SLAIN2: variants seen among roughly 807,000 people sequenced by gnomAD.
SLAIN2 encodes the protein SLAIN motif-containing protein 2.
SLAIN2 carries 31 observed loss-of-function variants against 56.6 expected under a neutral mutation model. That is an observed-to-expected ratio of 0.55 (90% CI 0.41 to 0.74). The LOEUF (loss-of-function observed/expected upper bound fraction) is 0.74. Ranked by LOEUF, SLAIN2 falls within the 30% of genes least tolerant of loss-of-function variation. The pLI, the probability that SLAIN2 is intolerant of heterozygous loss-of-function variation, is 0.00. For synonymous variants in SLAIN2, 317 were observed against 284.9 expected (o/e 1.11, Z -1.13); for missense variants, 777 against 754.2 (o/e 1.03, Z -0.35).
rs1374594115 is a variant in SLAIN2 at position 48,423,051 on chromosome 4, A to AG, written c.*979dup. On this transcript the variant is annotated 3_prime_UTR_variant, in exon 8 of 8. Coordinates refer to ENST00000264313, the MANE Select transcript of SLAIN2 (RefSeq NM_020846.2). ...GGAACAAAACCATACCATGAGAGAG[A>AG]GGGGGAAAAAAATCTATGCACTTAA... 1 of 152,122 alleles carries AG rather than the reference A, an allele frequency of 6.6e-6. No homozygotes were observed. The highest frequency in any genetic ancestry group is 2.4e-5 in the African/African-American group (1 of 41,414). 9.4% of individuals were successfully genotyped at this position (152,122 alleles called of 1,614,324 possible). A position where few individuals can be genotyped will look rare whatever the true frequency, so the allele number is the denominator to read the frequency against.
At chr4:48,391,026 T>C (rs1716224956) in intron 6 of SLAIN2, among the ~76,000 whole-genome samples, 1 of 152,230 alleles carries the variant, frequency 6.6e-6, no homozygotes, top group Non-Finnish European at 1.5e-5. Flanking sequence ...TTTTGAAGGA[T>C]CAAGTCTAAT....
intron 6 of SLAIN2, among the ~76,000 whole-genome samples, chr4:48,414,550 ATTTTTTT>A (rs36222817): frequency 0.55 from 74,684 of 136,866 alleles, 19,934 homozygotes; most frequent in South Asian, 0.7. Context: ...TTGGTGTGGT[ATTTTTTT>A]TTTTTTTTTT....
rs530811460 is a variant in SLAIN2 at position 48,342,671 on chromosome 4, A to G, written c.389+543A>G. Among the ~76,000 whole-genome samples the G allele has an allele frequency of 2.1e-5, 3 of 143,004 alleles. 1 individual carries two copies. The South Asian group carries it at 6.9e-4, about 33-fold the overall frequency. 93.8% of individuals were successfully genotyped at this position (143,004 alleles called of 152,430 possible). A position where few individuals can be genotyped will look rare whatever the true frequency, so the allele number is the denominator to read the frequency against. Reference sequence around the variant, plus strand: ...GCACTCCCCTTTGGGTAGTGGGGTAAACCTTGCTTTGTGTGAAGAGAGGGC... The same window carrying G: ...GCACTCCCCTTTGGGTAGTGGGGTAGACCTTGCTTTGTGTGAAGAGAGGGC... On this transcript the variant is annotated intron_variant, in intron 1 of 7. Transcript: ENST00000264313.
chr4:48,380,815 T>G (rs534501046), intron 4 of SLAIN2, among the ~76,000 whole-genome samples: 1 of 152,154 alleles, frequency 6.6e-6, no homozygotes. Flanking sequence ...GTTCAAAAAC[T>G]TTCTGTTGTC....
At chr4:48,358,077 A>C (rs1461249870) in intron 1 of SLAIN2, among the ~76,000 whole-genome samples, 1 of 152,212 alleles carries the variant, frequency 6.6e-6, no homozygotes, top group Non-Finnish European at 1.5e-5. Context: ...AATATTTAAG[A>C]GTACTGCTTC....
At chr4:48,376,718 T>C (rs1426177541) in intron 2 of SLAIN2, among the ~76,000 whole-genome samples, 1 of 144,564 alleles carries the variant, frequency 6.9e-6, no homozygotes, top group Admixed American at 7.1e-5. Flanking sequence ...GCCTCCCGGG[T>C]TCACGCCATT....
intron 1 of SLAIN2, among the ~76,000 whole-genome samples, chr4:48,369,356 G>A (rs564284075): frequency 6.6e-6 from 1 of 152,264 alleles, no homozygotes; most frequent in South Asian, 2.1e-4. Context: ...TAGGGTTAAA[G>A]TATTGCTTTT....
At chr4:48,411,681 C>CA (rs1716852052) in intron 6 of SLAIN2, among the ~76,000 whole-genome samples, 2 of 151,966 alleles carry the variant, frequency 1.3e-5, no homozygotes, top group Admixed American at 6.6e-5. Flanking sequence ...CATAGCCACT[C>CA]ATGTTCTTCT....
chr4:48,419,067 G>A (rs1717076229), intron 6 of SLAIN2, among the ~76,000 whole-genome samples: 1 of 151,376 alleles, frequency 6.6e-6, no homozygotes, highest in Non-Finnish European at 1.5e-5. Context: ...TTACAAAGTT[G>A]TAGTCAAGTC....
intron 2 of SLAIN2, among the ~76,000 whole-genome samples, chr4:48,371,988 A>G (rs60873798): frequency 0.47 from 64,921 of 137,844 alleles, 14,861 homozygotes; most frequent in African/African-American, 0.62. Flanking sequence ...ACACACACAC[A>G]CGCGCGCACA....
Position 48,417,735 on chromosome 4 carries a change from G to A in SLAIN2, c.1361-2390G>A, listed in dbSNP as rs370829142. Among the ~76,000 whole-genome samples, 216 of 143,410 alleles carry A rather than the reference G, an allele frequency of 1.5e-3. 2 individuals are homozygous for A. The highest frequency in any genetic ancestry group is 5.0e-3 in the African/African-American group (193 of 38,494). 94.1% of individuals were successfully genotyped at this position (143,410 alleles called of 152,430 possible). On this transcript the variant is annotated intron_variant, in intron 6 of 7. Coordinates refer to ENST00000264313, the MANE Select transcript of SLAIN2 (RefSeq NM_020846.2). ...AAATGTAATCCAGCATATAAACAGAGCCAAAGACAAAAACCACATGATTAT... is the reference window on the plus strand; with the variant it reads ...AAATGTAATCCAGCATATAAACAGAACCAAAGACAAAAACCACATGATTAT...
chr4:48,387,493 A>G (rs1716130100), intron 6 of SLAIN2: 1 of 151,864 alleles, frequency 6.6e-6, no homozygotes, highest in African/African-American at 2.4e-5. Flanking sequence ...ATAATGGTGT[A>G]TTTCAGTACT....
chr4:48,420,440 G>A lies in SLAIN2; in HGVS notation c.1676G>A (p.Arg559His), dbSNP rs746329675. 12 of 1,613,136 alleles carry A rather than the reference G, an allele frequency of 7.4e-6. No homozygotes were observed. The highest frequency in any genetic ancestry group is 6.7e-5 in the East Asian group (3 of 44,880). Residue 559 changes from arginine (R) to histidine (H), a missense_variant, in exon 7 of 8, where the codon CGC becomes CAC. Coordinates refer to ENST00000264313, the MANE Select transcript of SLAIN2 (RefSeq NM_020846.2). ...CGCAGCAAACTTGCACAGCCTGTTC[G>A]CAGGTAAGTGGCAGATGTTCTGTTT... The part of the protein sequence containing the change: ...VPRSKLAQPV[R>H]RSLPAPKTYG...
At chr4:48,357,192 A>G (rs1217754396) in intron 1 of SLAIN2, among the ~76,000 whole-genome samples, 1 of 151,844 alleles carries the variant, frequency 6.6e-6, no homozygotes, top group South Asian at 2.1e-4. Context: ...ATAAAATAGC[A>G]CTATGAACAA....
In SLAIN2 at chr4:48,379,703, C is replaced by T. The variant is rs1292569161; in HGVS notation, c.717C>T (p.Ser239=). ...ILPGNSGNLK[S]SDRNPPLSPQ... is the part of the protein sequence containing the mutation. ...TTTTTTTTTAAGGTAACTTGAAAAG[C>T]TCAGACAGAAATCCTCCACTCAGTC... Residue 239 remains serine (S), a synonymous_variant, in exon 4 of 8, where the codon AGC becomes AGT. Coordinates refer to ENST00000264313, the MANE Select transcript of SLAIN2 (RefSeq NM_020846.2). 4.3e-5 allele frequency: 61 copies of T among 1,433,904 alleles called. No homozygotes were observed. The highest frequency in any genetic ancestry group is 5.6e-5 in the Non-Finnish European group (61 of 1,090,656). The allele number at this position is 1,433,904 out of a possible 1,614,324, so 88.8% of individuals were successfully genotyped here.
chr4:48,350,760 G>A (rs748222805), intron 1 of SLAIN2, among the ~76,000 whole-genome samples: 6 of 152,114 alleles, frequency 3.9e-5, no homozygotes, highest in Non-Finnish European at 8.8e-5. Flanking sequence ...TAGGTCTTTA[G>A]GAGTGGCTCA....
chr4:48,372,466 T>A (rs1715696123), intron 2 of SLAIN2, among the ~76,000 whole-genome samples: 1 of 152,184 alleles, frequency 6.6e-6, no homozygotes, highest in South Asian at 2.1e-4. Flanking sequence ...TAAAACTACT[T>A]AATGTAACAG....
At chr4:48,396,492 T>A (rs1716391741) in intron 6 of SLAIN2, among the ~76,000 whole-genome samples, 1 of 152,204 alleles carries the variant, frequency 6.6e-6, no homozygotes, top group African/African-American at 2.4e-5. Context: ...ATGGAGAATA[T>A]CTTTTGGATC....
At chr4:48,399,959 G>A (rs1716503730) in intron 6 of SLAIN2, among the ~76,000 whole-genome samples, 1 of 151,992 alleles carries the variant, frequency 6.6e-6, no homozygotes, top group Non-Finnish European at 1.5e-5. Flanking sequence ...TTGGCCTGAT[G>A]TTTTCTTTTT....
Sources: gnomAD v4.1 joint callset for allele counts (sites outside exome capture counted in the v4.1 genomes callset) on GRCh38, gnomAD v4.1.1 for gene constraint, MANE v1.5 for transcripts, NCBI Gene and HGNC (gene_info 2026-07-23, HGNC 2026-07-21) for gene names.